The following ADCY5 variants were observed in gnomAD, a reference collection of about 807,000 sequenced individuals.
ADCY5 encodes adenylate cyclase type 5.
In ADCY5, 30 loss-of-function variants were observed where a neutral mutation model predicts 119.7. The observed-to-expected ratio is 0.25, with a 90% CI of 0.19 to 0.34. The LOEUF (loss-of-function observed/expected upper bound fraction) is 0.34, where lower values mean the gene tolerates loss of function less well. Among genes scored for constraint, ADCY5 ranks in the 10% least tolerant of loss-of-function variants. The pLI is 1.00. For synonymous variants in ADCY5, 753 were observed against 762.2 expected, an observed-to-expected ratio of 0.99 and a Z score of 0.20; for missense variants, 1,324 against 1,775.2, an observed-to-expected ratio of 0.75 and a Z score of 4.57.
intron 1 of ADCY5, among the ~76,000 whole-genome samples, chr3:123,376,259 ACTC>A (rs1943829725): frequency 7.0e-6 from 1 of 142,814 alleles, no homozygotes; most frequent in African/African-American, 2.6e-5. Flanking sequence ...TTGGGTTAAA[ACTC>A]CTCATCACCA....
At position 123,332,547 on chromosome 3, in the gene ADCY5, G is replaced by A. The variant is rs761143269; in HGVS notation, c.1518+17C>T. On this transcript the variant is annotated intron_variant, in intron 4 of 20. Transcript: ENST00000462833. ...CCCAGGTCAGGCCACCCCAACCCCC[G>A]GCTCAGGGTGACTCACTGCGGCCAG... The A allele has an allele frequency of 2.6e-5, 42 of 1,595,488 alleles. No homozygotes were observed. The highest frequency in any genetic ancestry group is 6.7e-5 in the African/African-American group (5 of 74,480).
intron 12 of ADCY5, among the ~76,000 whole-genome samples, chr3:123,309,867 T>G (rs1431078136): frequency 6.6e-6 from 1 of 151,994 alleles, no homozygotes; most frequent in African/African-American, 2.4e-5. Context: ...TTTTAGAAAC[T>G]GTGGACCAGC....
intron 1 of ADCY5, among the ~76,000 whole-genome samples, chr3:123,353,098 G>C (rs1407750751): frequency 6.6e-6 from 1 of 152,154 alleles, no homozygotes; most frequent in Non-Finnish European, 1.5e-5. Context: ...GGCAAGGCTG[G>C]CCAGTCGGGG....
At chr3:123,380,850 G>A (rs781076042) in intron 1 of ADCY5, among the ~76,000 whole-genome samples, 18 of 152,334 alleles carry the variant, frequency 1.2e-4, no homozygotes, top group Non-Finnish European at 1.9e-4. Flanking sequence ...TGGGAGATCC[G>A]GCCTGAGAGA....
intron 1 of ADCY5, among the ~76,000 whole-genome samples, chr3:123,441,835 T>A (rs1397762810): frequency 6.6e-6 from 1 of 152,124 alleles, no homozygotes; most frequent in East Asian, 1.9e-4. Context: ...CTAACCAAGA[T>A]CCTGTGGGCC....
At chr3:123,399,200 G>A (rs1271614908) in intron 1 of ADCY5, among the ~76,000 whole-genome samples, 3 of 152,214 alleles carry the variant, frequency 2.0e-5, no homozygotes, top group Non-Finnish European at 2.9e-5. Flanking sequence ...GTGAACAAAA[G>A]ATGTAAAGTC....
intron 11 of ADCY5, among the ~76,000 whole-genome samples, chr3:123,315,781 T>C (rs1940886642): frequency 6.6e-6 from 1 of 152,174 alleles, no homozygotes; most frequent in Non-Finnish European, 1.5e-5. Context: ...TTTGCATTTC[T>C]GCTGTGTTGG....
chr3:123,344,701 C>T (rs1331284655), intron 3 of ADCY5, among the ~76,000 whole-genome samples: 4 of 152,246 alleles, frequency 2.6e-5, no homozygotes. Flanking sequence ...TATGATGTCA[C>T]CCCCCATCTC....
intron 19 of ADCY5, among the ~76,000 whole-genome samples, chr3:123,289,162 C>T (rs1468999149): frequency 6.6e-6 from 1 of 152,152 alleles, no homozygotes; most frequent in Non-Finnish European, 1.5e-5. Context: ...CTTTGTTTTG[C>T]TAACGATTTT....
chr3:123,357,830 T>C (rs1943092558), intron 1 of ADCY5, among the ~76,000 whole-genome samples: 1 of 152,188 alleles, frequency 6.6e-6, no homozygotes, highest in South Asian at 2.1e-4. Flanking sequence ...CGGTAAAATC[T>C]GATGGAATTC....
chr3:123,338,357 C>T (rs1942120331), intron 3 of ADCY5, among the ~76,000 whole-genome samples: 1 of 152,256 alleles, frequency 6.6e-6, no homozygotes, highest in Admixed American at 6.5e-5. Flanking sequence ...ATTCCCCCAC[C>T]TCCTGTCAGA....
Position 123,447,997 on chromosome 3 carries a change from CCCCTCGCCG to C in ADCY5, c.540_548del (p.Gly181_Gly183del). ...CCGCCGAGCTGCCGCCATCCCCGGA[CCCCTCGCCG>C]CCCTCGACGGCGCCGGCCTCCAGCT... On this transcript the variant is annotated inframe_deletion, in exon 1 of 21. Coordinates refer to ENST00000462833, the MANE Select transcript of ADCY5 (RefSeq NM_183357.3). The C allele has an allele frequency of 7.6e-7, 1 of 1,309,644 alleles. No individual in the cohort carries two copies. Among genetic ancestry groups the C allele is most frequent in the East Asian group, 3.1e-5 (1 of 32,038 alleles). The allele number at this position is 1,309,644 out of a possible 1,614,324, so 81.1% of individuals were successfully genotyped here. A position where few individuals can be genotyped will look rare whatever the true frequency, so the allele number is the denominator to read the frequency against.
At chr3:123,405,685 AGTGC>A (rs1944880362) in intron 1 of ADCY5, among the ~76,000 whole-genome samples, 1 of 152,062 alleles carries the variant, frequency 6.6e-6, no homozygotes, top group Non-Finnish European at 1.5e-5. Flanking sequence ...TCCAGGCCAG[AGTGC>A]GGTGGCGCCA....
Position 123,291,234 on chromosome 3 carries a change from C to T in ADCY5, c.3206G>A (p.Cys1069Tyr). The T allele has an allele frequency of 6.2e-7, 1 of 1,614,082 alleles. No individual in the cohort carries two copies. Residue 1069 changes from cysteine (C) to tyrosine (Y), a missense_variant, in exon 18 of 21, where the codon TGT becomes TAT. By Grantham distance (194) the Cys-to-Tyr change is radical. Transcript: ENST00000462833. Reference protein sequence around the residue: ...NDELYYQSCECVAVMFASIAN... With the variant: ...NDELYYQSCEYVAVMFASIAN... Reference sequence around the variant, plus strand: ...GATGGAGGCGAACATGACCGCCACACACTCACAGGACTGATAGTAGAGCTC... The same window carrying T: ...GATGGAGGCGAACATGACCGCCACATACTCACAGGACTGATAGTAGAGCTC...
intron 1 of ADCY5, among the ~76,000 whole-genome samples, chr3:123,406,693 T>C (rs1380080900): frequency 6.6e-6 from 1 of 152,184 alleles, no homozygotes; most frequent in East Asian, 1.9e-4. Context: ...AATGGCTTAA[T>C]GAGCACTGGC....
chr3:123,310,312 G>A (rs1403692449), intron 12 of ADCY5, among the ~76,000 whole-genome samples: 1 of 152,000 alleles, frequency 6.6e-6, no homozygotes, highest in Non-Finnish European at 1.5e-5. Flanking sequence ...AAAAGTACCA[G>A]CACTGTCAGG....
intron 1 of ADCY5, among the ~76,000 whole-genome samples, chr3:123,432,231 A>G (rs1249019920): frequency 6.6e-6 from 1 of 151,954 alleles, no homozygotes; most frequent in Non-Finnish European, 1.5e-5. Flanking sequence ...AGAATAAACA[A>G]TCCTCTTTGG....
chr3:123,430,791 G>A (rs952617821), intron 1 of ADCY5, among the ~76,000 whole-genome samples: 26 of 152,170 alleles, frequency 1.7e-4, no homozygotes, highest in Admixed American at 1.3e-4. Context: ...CACAGCTGGT[G>A]CTTGCCAACC....
chr3:123,366,542 T>A (rs1199250456), intron 1 of ADCY5, among the ~76,000 whole-genome samples: 2 of 152,188 alleles, frequency 1.3e-5, no homozygotes, highest in Non-Finnish European at 2.9e-5. Flanking sequence ...TATGGAGGTA[T>A]ATGACAGGGG....
Sources: allele counts gnomAD v4.1 joint callset (sites outside exome capture counted in the v4.1 genomes callset), GRCh38; gene constraint gnomAD v4.1.1; transcripts MANE v1.5; gene names NCBI Gene and HGNC (gene_info 2026-07-23, HGNC 2026-07-21).